The following RELB variants were observed in gnomAD, a reference collection of about 807,000 sequenced individuals.
RELB encodes the protein RELB proto-oncogene, NF-kB subunit.
Under a neutral mutation model 55.4 loss-of-function variants are expected in RELB, and 14 were observed. That is an observed-to-expected ratio of 0.25 (90% CI 0.17 to 0.40). RELB has a LOEUF of 0.40. RELB is among the 10% of genes least tolerant of loss of function. The probability of loss-of-function intolerance (pLI) is 1.00; values close to 1 mark genes in which losing one functional copy is unlikely to be tolerated. For missense variants in RELB, 669 were observed against 830.7 expected (o/e 0.81, Z 2.39); for synonymous variants, 409 against 371.3 (o/e 1.10, Z -1.17).
rs1379127189 is a variant in RELB at position 45,011,791 on chromosome 19, TGTGTGTGAGAGAGAGAGAGA to T, written c.164-143_164-124del. The T allele has an allele frequency of 6.0e-5, 16 of 267,366 alleles. No individual in the cohort carries two copies. The African/African-American group carries it at 6.2e-4, about 10-fold the overall frequency. The allele number at this position is 267,366 out of a possible 1,614,324, so 16.6% of individuals were successfully genotyped here. A position where few individuals can be genotyped will look rare whatever the true frequency, so the allele number is the denominator to read the frequency against. ...GTGTGTGTGTGTGTGTGTGTGTGTG[TGTGTGTGAGAGAGAGAGAGA>T]GAGAGAGAGAGAGAGAGAGAGAGAT... On this transcript the variant is annotated intron_variant, in intron 3 of 11. Transcript: ENST00000221452.
intron 11 of RELB, among the ~76,000 whole-genome samples, chr19:45,036,759 G>T (rs781754745): frequency 6.6e-6 from 1 of 152,128 alleles, no homozygotes. Flanking sequence ...ATACTTCGCT[G>T]CAGCCTCAAA....
At chr19:45,003,021 C>T (rs989381640) in intron 2 of RELB, 25 bp downstream of exon 2, 6 of 1,607,836 alleles carry the variant, frequency 3.7e-6, no homozygotes, top group Non-Finnish European at 4.2e-6. Flanking sequence ...ACAGTTCCTG[C>T]CCACTCGCTC....
chr19:45,033,538 A>G (rs1340986750), intron 9 of RELB, among the ~76,000 whole-genome samples: 4 of 151,322 alleles, frequency 2.6e-5, no homozygotes. Context: ...TACAAAAATT[A>G]GCCGGGCGTG....
chr19:45,020,900 C>T (rs934013575), intron 4 of RELB, among the ~76,000 whole-genome samples: 14 of 152,206 alleles, frequency 9.2e-5, no homozygotes, highest in Non-Finnish European at 1.8e-4. Flanking sequence ...GAAATTTTCA[C>T]GTGGTGGCTC....
intron 3 of RELB, among the ~76,000 whole-genome samples, chr19:45,010,429 C>A (rs1446072664): frequency 1.3e-5 from 2 of 151,678 alleles, no homozygotes; most frequent in Admixed American, 1.3e-4. Flanking sequence ...CCTGCCCTCG[C>A]AGAGCTGATA....
chr19:45,030,726 G>T (rs1382622554), intron 8 of RELB, among the ~76,000 whole-genome samples: 1 of 152,216 alleles, frequency 6.6e-6, no homozygotes, highest in East Asian at 1.9e-4. Context: ...AAGTGCAGGA[G>T]TTGGAGGTTA....
intron 5 of RELB, among the ~76,000 whole-genome samples, chr19:45,023,441 T>TTCCGTCC (rs1971515865): frequency 1.9e-5 from 2 of 107,992 alleles, no homozygotes; most frequent in Non-Finnish European, 4.4e-5. Flanking sequence ...TCCGTCCTTC[T>TTCCGTCC]TTCTTTCTTT....
At chr19:45,024,383 C>G (rs150616376) in intron 5 of RELB, among the ~76,000 whole-genome samples, 2,392 of 151,784 alleles carry the variant, frequency 0.016, 67 homozygotes, top group African/African-American at 0.054. Flanking sequence ...AAGGTGGTCT[C>G]GATCTCCTGA....
At chr19:45,018,144 C>A (rs1971442789) in intron 4 of RELB, among the ~76,000 whole-genome samples, 1 of 151,862 alleles carries the variant, frequency 6.6e-6, no homozygotes. Flanking sequence ...GTGGCTCAGG[C>A]CTGTAATCCC....
At chr19:45,024,458 G>A (rs1035441934) in intron 5 of RELB, among the ~76,000 whole-genome samples, 4 of 152,198 alleles carry the variant, frequency 2.6e-5, no homozygotes, top group Non-Finnish European at 5.9e-5. Flanking sequence ...CACCACGCCC[G>A]GCCTGAAGTT....
rs1205296434 is a variant in RELB, at chr19:45,002,973, C to G, written c.131C>G (p.Ser44Trp). 6.2e-7 allele frequency: 1 copy of G among 1,613,400 alleles called. No individual in the cohort carries two copies. The highest frequency in any genetic ancestry group is 1.3e-5 in the African/African-American group (1 of 74,920). The change falls in exon 2 of 12, where the codon TCG (serine) becomes TGG (tryptophan). Residue 44 changes from serine (S) to tryptophan (W), a missense_variant. Ser to Trp is a radical substitution (Grantham distance 177). Transcript: ENST00000221452. Reference protein sequence around the residue: ...ALGSPDLSSLSLAVSRSTDEL... With the variant: ...ALGSPDLSSLWLAVSRSTDEL... The stretch of plus-strand genomic sequence containing the variant: ...GGGTCCCCCGACCTCTCCTCACTCT[C>G]GCTCGCCGTTTCCAGGAGCACAGGT...
intron 4 of RELB, among the ~76,000 whole-genome samples, chr19:45,021,602 T>C (rs551288596): frequency 1.9e-5 from 2 of 106,796 alleles, no homozygotes; most frequent in South Asian, 7.2e-4. Flanking sequence ...TTTGAGACCG[T>C]CATATTCTGT....
chr19:45,016,514 G>A (rs544289523), intron 4 of RELB, among the ~76,000 whole-genome samples: 5 of 152,192 alleles, frequency 3.3e-5, no homozygotes, highest in South Asian at 4.1e-4. Context: ...GCAGGGTTGC[G>A]GTTGGTGAGG....
intron 1 of RELB, among the ~76,000 whole-genome samples, chr19:45,001,913 C>G (rs904955818): frequency 7.8e-4 from 119 of 151,712 alleles, no homozygotes; most frequent in African/African-American, 2.6e-3. Flanking sequence ...TGAGAGGGGG[C>G]GGGGCCTGAC....
chr19:45,003,391 C>A (rs1486599858), intron 2 of RELB, among the ~76,000 whole-genome samples: 1 of 139,370 alleles, frequency 7.2e-6, no homozygotes, highest in Non-Finnish European at 1.5e-5. Flanking sequence ...AGGAGAATGG[C>A]GTGAACCTGG....
chr19:45,013,045 G>C (rs553970788), intron 4 of RELB, among the ~76,000 whole-genome samples: 1 of 148,340 alleles, frequency 6.7e-6, no homozygotes, highest in South Asian at 2.1e-4. Flanking sequence ...GCAATACCCT[G>C]CCTCCATTAA....
At chr19:45,006,847 C>A (rs576106256) in intron 2 of RELB, among the ~76,000 whole-genome samples, 4 of 150,852 alleles carry the variant, frequency 2.7e-5, no homozygotes, top group African/African-American at 9.7e-5. Context: ...CCCAGCTACT[C>A]AGGAGGCTGA....
At chr19:45,005,681 G>A (rs1250877307) in intron 2 of RELB, among the ~76,000 whole-genome samples, 1 of 152,144 alleles carries the variant, frequency 6.6e-6, no homozygotes, top group East Asian at 1.9e-4. Context: ...TCGGCTCACT[G>A]CAACCTCCGC....
chr19:45,011,199 G>C (rs1293754684), intron 3 of RELB, among the ~76,000 whole-genome samples: 1 of 150,988 alleles, frequency 6.6e-6, no homozygotes, highest in Non-Finnish European at 1.5e-5. Flanking sequence ...GTCTTGCTCT[G>C]TTGCGCAGGA....
Sources: gnomAD v4.1 joint callset for allele counts (sites outside exome capture counted in the v4.1 genomes callset) on GRCh38, gnomAD v4.1.1 for gene constraint, MANE v1.5 for transcripts, NCBI Gene and HGNC (gene_info 2026-07-23, HGNC 2026-07-21) for gene names.